C17orf78: variants seen among roughly 807,000 people sequenced by gnomAD.
The protein encoded by C17orf78 is uncharacterized protein C17orf78.
In C17orf78, 27 loss-of-function variants were observed where a neutral mutation model predicts 31.8. The ratio of observed to expected loss-of-function variants is 0.85; its 90% confidence interval spans 0.63 to 1.17. The LOEUF (loss-of-function observed/expected upper bound fraction) is 1.17, where lower values mean the gene tolerates loss of function less well. Ranked by LOEUF, C17orf78 falls within the 50% of genes most tolerant of loss-of-function variation. C17orf78 has a pLI of 0.00. For synonymous variants in C17orf78, 106 were observed against 115.1 expected (o/e 0.92, Z 0.51); for missense variants, 258 against 315.2 (o/e 0.82, Z 1.37).
intron 6 of C17orf78, among the ~76,000 whole-genome samples, chr17:37,389,604 T>C (rs2050702121): frequency 6.6e-6 from 1 of 151,906 alleles, no homozygotes; most frequent in South Asian, 2.1e-4. Context: ...GGAGAATCGC[T>C]TGAACCTGGG....
At chr17:37,379,080 C>A in intron 2 of C17orf78, 57 bp from the exon 3 acceptor site, 2 of 1,545,522 alleles carry the variant, frequency 1.3e-6, no homozygotes, top group Non-Finnish European at 8.7e-7. Flanking sequence ...TCAAAAAAAC[C>A]AACCAAACAA....
rs945602286 is a variant in C17orf78 at position 37,391,821 on chromosome 17, C to T, written c.*97C>T. ...GCCAATTTCACACTTGTATCTTCAG[C>T]AGGGACATTACAATCAAACACCAAT... is the stretch of plus-strand genomic sequence containing the variant. On this transcript the variant is annotated 3_prime_UTR_variant, in exon 7 of 7. Coordinates refer to ENST00000615133, the MANE Select transcript of C17orf78 (RefSeq NM_173625.5). The T allele has an allele frequency of 8.2e-6, 9 of 1,095,794 alleles. No homozygotes were observed. The highest frequency in any genetic ancestry group is 1.2e-5 in the Non-Finnish European group (9 of 722,994). The allele number at this position is 1,095,794 out of a possible 1,614,324, so 67.9% of individuals were successfully genotyped here. A position where few individuals can be genotyped will look rare whatever the true frequency, so the allele number is the denominator to read the frequency against.
intron 1 of C17orf78, among the ~76,000 whole-genome samples, chr17:37,377,571 A>T (rs1359132834): frequency 6.6e-6 from 1 of 152,024 alleles, no homozygotes; most frequent in Non-Finnish European, 1.5e-5. Flanking sequence ...GAGGCAGAAG[A>T]ATCCCTTGAA....
chr17:37,376,736 C>T (rs1194120006), intron 1 of C17orf78, among the ~76,000 whole-genome samples: 1 of 152,164 alleles, frequency 6.6e-6, no homozygotes, highest in African/African-American at 2.4e-5. Flanking sequence ...TGGTGGATCA[C>T]CTGAGGTCAG....
chr17:37,376,609 G>A (rs771739527), intron 1 of C17orf78, among the ~76,000 whole-genome samples: 1 of 152,124 alleles, frequency 6.6e-6, no homozygotes, highest in Non-Finnish European at 1.5e-5. Context: ...TTTGGTAACT[G>A]CTTATTTAAA....
At chr17:37,391,110 C>T (rs778404120) in intron 6 of C17orf78, among the ~76,000 whole-genome samples, 6 of 152,012 alleles carry the variant, frequency 3.9e-5, no homozygotes, top group Non-Finnish European at 7.4e-5. Flanking sequence ...TGGTGGCACA[C>T]GCCAGTAATC....
At chr17:37,388,901 G>A in intron 5 of C17orf78, 107 bp downstream of exon 5, 1 of 1,405,430 alleles carries the variant, frequency 7.1e-7, no homozygotes, top group South Asian at 1.3e-5. Context: ...GGAATTTGAG[G>A]AGATGTGCCA....
Position 37,390,333 on chromosome 17 carries a change from T to A in C17orf78, c.750+971T>A, listed in dbSNP as rs1471008876. Among the ~76,000 whole-genome samples the A allele has an allele frequency of 1.7e-3, 153 of 92,140 alleles. 1 individual carries two copies. Among genetic ancestry groups the A allele is most frequent in the Middle Eastern group, 4.7e-3 (1 of 214 alleles). 60.4% of individuals were successfully genotyped at this position (92,140 alleles called of 152,430 possible). A position where few individuals can be genotyped will look rare whatever the true frequency, so the allele number is the denominator to read the frequency against. On this transcript the variant is annotated intron_variant, in intron 6 of 6. Transcript: ENST00000615133. ...ATATATATATATATATATATATATA[T>A]AAAAGGCCAGCTGGGCCGGGCACGG...
At chr17:37,377,722 A>G (rs1456989089) in intron 1 of C17orf78, among the ~76,000 whole-genome samples, 157 bp from the exon 2 acceptor site, 2 of 152,100 alleles carry the variant, frequency 1.3e-5, no homozygotes, top group African/African-American at 2.4e-5. Context: ...GTCTTTTTAG[A>G]GAGTGTTTGA....
chr17:37,377,021 T>C (rs2050032102), intron 1 of C17orf78, among the ~76,000 whole-genome samples: 1 of 152,084 alleles, frequency 6.6e-6, no homozygotes, highest in East Asian at 1.9e-4. Flanking sequence ...TGGCACAAAG[T>C]GCAGCAGTAA....
At chr17:37,377,604 G>A (rs753768467) in intron 1 of C17orf78, among the ~76,000 whole-genome samples, 5 of 151,998 alleles carry the variant, frequency 3.3e-5, no homozygotes, top group Non-Finnish European at 5.9e-5. Context: ...ATGTTGCAAT[G>A]AGCGGAGATC....
In C17orf78 at chr17:37,388,703, G is replaced by A. The variant is rs754623510; in HGVS notation, c.542G>A (p.Trp181Ter). Residue 181 changes from tryptophan (W) to a stop codon, truncating the protein, a stop_gained, in exon 5 of 7, where the codon TGG (tryptophan) becomes TAG (stop). Coordinates refer to ENST00000615133, the MANE Select transcript of C17orf78 (RefSeq NM_173625.5). LOFTEE classifies it high-confidence loss of function. ...GAGAACCTAGAGAAGAGACAGAAAT[G>A]GAGTATTGTGGTCAAAATTCTGATT... ...TDENLEKRQK[W>*]SIVVKILIAV... 1.2e-6 allele frequency: 2 copies of A among 1,611,994 alleles called. No homozygotes were observed. The highest frequency in any genetic ancestry group is 1.7e-6 in the Non-Finnish European group (2 of 1,178,570).
In C17orf78 at chr17:37,390,175, T is replaced by TAC. The variant is rs1158274937; in HGVS notation, c.750+823_750+824dup. ...ATATATATATATATATATATATATA[T>TAC]ACACACACACATTATATATAAATAT... On this transcript the variant is annotated intron_variant, in intron 6 of 6. Coordinates refer to ENST00000615133, the MANE Select transcript of C17orf78 (RefSeq NM_173625.5). Among the ~76,000 whole-genome samples, 270 of 44,434 alleles carry TAC rather than the reference T, an allele frequency of 6.1e-3. 13 individuals carry two copies. Among genetic ancestry groups the TAC allele is most frequent in the African/African-American group, 0.013 (114 of 8,554 alleles). The allele number at this position is 44,434 out of a possible 152,430, so 29.2% of individuals were successfully genotyped here.
Position 37,391,662 on chromosome 17 carries a change from G to A in C17orf78, c.766G>A (p.Ala256Thr). Residue 256 changes from alanine to threonine, a missense_variant, in exon 7 of 7, where the codon GCC becomes ACC. Coordinates refer to ENST00000615133, the MANE Select transcript of C17orf78 (RefSeq NM_173625.5). The part of the protein sequence containing the change: ...SQPQKVGQDA[A>T]NSSNPKKAAE... ...CAATCTCTAGGTTGGACAAGATGCT[G>A]CCAATTCATCAAACCCAAAGAAAGC... 6.2e-7 allele frequency: 1 copy of A among 1,613,790 alleles called. No homozygotes were observed.
intron 3 of C17orf78, among the ~76,000 whole-genome samples, chr17:37,383,135 C>G (rs2050377662): frequency 6.6e-6 from 1 of 152,182 alleles, no homozygotes; most frequent in Non-Finnish European, 1.5e-5. Context: ...ACATGTGACA[C>G]CTTGCTGTCC....
chr17:37,382,539 G>A (rs2050342443), intron 3 of C17orf78, among the ~76,000 whole-genome samples: 1 of 151,970 alleles, frequency 6.6e-6, no homozygotes, highest in Admixed American at 6.6e-5. Flanking sequence ...AAGTGGATAG[G>A]CTCTCAGGAT....
chr17:37,382,141 T>C (rs763851719), intron 3 of C17orf78, among the ~76,000 whole-genome samples: 14 of 152,284 alleles, frequency 9.2e-5, no homozygotes, highest in Non-Finnish European at 1.5e-4. Flanking sequence ...GATTTATCAA[T>C]TTATCAATAA....
At chr17:37,384,256 A>G in intron 3 of C17orf78, among the ~76,000 whole-genome samples, 1 of 152,236 alleles carries the variant, frequency 6.6e-6, no homozygotes, top group East Asian at 1.9e-4. Flanking sequence ...ATGTTCTGCA[A>G]TACAAATGCT....
intron 6 of C17orf78, 144 bp from the exon 7 acceptor site, chr17:37,391,503 T>G (rs760582677): frequency 1.4e-6 from 1 of 704,856 alleles, no homozygotes; most frequent in Non-Finnish European, 2.5e-6. Context: ...ACTTTCTCAG[T>G]GTAATTATCG....
Sources: allele counts gnomAD v4.1 joint callset (sites outside exome capture counted in the v4.1 genomes callset), GRCh38; gene constraint gnomAD v4.1.1; transcripts MANE v1.5; gene names NCBI Gene and HGNC (gene_info 2026-07-23, HGNC 2026-07-21).